SORCS1: variants seen among roughly 807,000 people sequenced by gnomAD.
SORCS1 encodes the protein sortilin related VPS10 domain containing receptor 1.
In SORCS1, 60 loss-of-function variants were observed where a neutral mutation model predicts 146.1. The ratio of observed to expected loss-of-function variants is 0.41; its 90% CI spans 0.33 to 0.51. The LOEUF is 0.51. SORCS1 is among the 20% of genes least tolerant of loss of function. The probability of loss-of-function intolerance (pLI) is 0.21; values close to 1 mark genes in which losing one functional copy is unlikely to be tolerated. For missense variants in SORCS1, 1,352 were observed against 1,487.6 expected (o/e 0.91, Z 1.50); for synonymous variants, 637 against 584.0 (o/e 1.09, Z -1.31).
rs1564736976 is a variant in SORCS1 at position 106,577,408 on chromosome 10, TG to T, written c.*11del. 6.2e-7 allele frequency: 1 copy of T among 1,613,834 alleles called. No homozygotes were observed. Among genetic ancestry groups the T allele is most frequent in the Non-Finnish European group, 8.5e-7 (1 of 1,179,768 alleles). The stretch of plus-strand genomic sequence containing the variant: ...TGATCAGCAGGTCGCCTGTAGCCTT[TG>T]GGGGTTTTCCTTAAATTGCATACTG... On this transcript the variant is annotated 3_prime_UTR_variant, in exon 26 of 26. Transcript: ENST00000263054.
At chr10:107,117,704 G>T (rs2134509756) in intron 1 of SORCS1, among the ~76,000 whole-genome samples, 1 of 152,220 alleles carries the variant, frequency 6.6e-6, no homozygotes, top group South Asian at 2.1e-4. Flanking sequence ...CTTGGCCTCT[G>T]TTACTCCCTT....
intron 1 of SORCS1, among the ~76,000 whole-genome samples, chr10:107,063,375 A>G (rs11818182): frequency 0.036 from 5,423 of 152,298 alleles, 304 homozygotes; most frequent in African/African-American, 0.12. Context: ...TACTATTTCT[A>G]TGAGAGGAGA....
chr10:107,034,214 G>A (rs776343069), intron 1 of SORCS1, among the ~76,000 whole-genome samples: 3 of 152,100 alleles, frequency 2.0e-5, no homozygotes, highest in Non-Finnish European at 4.4e-5. Flanking sequence ...CACAAATGGT[G>A]GGGAGGGGTA....
intron 23 of SORCS1, among the ~76,000 whole-genome samples, chr10:106,603,633 T>C (rs546953661): frequency 6.6e-6 from 1 of 152,164 alleles, no homozygotes; most frequent in East Asian, 1.9e-4. Flanking sequence ...ACTGCACCTT[T>C]ACAAGAAAGG....
At chr10:106,809,094 A>C (rs1044223371) in intron 3 of SORCS1, among the ~76,000 whole-genome samples, 1 of 152,000 alleles carries the variant, frequency 6.6e-6, no homozygotes, top group African/African-American at 2.4e-5. Flanking sequence ...TCTTTGCATG[A>C]TGATTTTCTT....
intron 1 of SORCS1, among the ~76,000 whole-genome samples, chr10:107,157,336 A>C (rs981293186): frequency 2.6e-5 from 4 of 152,064 alleles, no homozygotes; most frequent in Non-Finnish European, 4.4e-5. Flanking sequence ...ACCAAGAATC[A>C]CTCCTACAGT....
At chr10:106,696,687 G>A (rs1308091740) in intron 9 of SORCS1, among the ~76,000 whole-genome samples, 1 of 152,200 alleles carries the variant, frequency 6.6e-6, no homozygotes, top group Non-Finnish European at 1.5e-5. Flanking sequence ...TCCAGAGGTC[G>A]CCTTGTTTCC....
At chr10:106,591,351 C>T (rs1346639157) in intron 24 of SORCS1, among the ~76,000 whole-genome samples, 1 of 151,880 alleles carries the variant, frequency 6.6e-6, no homozygotes, top group East Asian at 1.9e-4. Context: ...TAAAGAACAC[C>T]TGCCATAAGA....
intron 2 of SORCS1, among the ~76,000 whole-genome samples, chr10:106,902,257 A>C (rs1319652037): frequency 6.6e-6 from 1 of 152,148 alleles, no homozygotes; most frequent in Non-Finnish European, 1.5e-5. Flanking sequence ...TTTTTAAAAT[A>C]GTCCCTAACC....
intron 23 of SORCS1, among the ~76,000 whole-genome samples, chr10:106,604,299 G>A (rs985355374): frequency 2.6e-5 from 4 of 152,146 alleles, no homozygotes; most frequent in Admixed American, 2.6e-4. Context: ...ATAAAGTTAA[G>A]TGATTAAGTC....
chr10:106,581,796 A>G (rs1844935044), intron 24 of SORCS1, among the ~76,000 whole-genome samples: 1 of 152,240 alleles, frequency 6.6e-6, no homozygotes, highest in Non-Finnish European at 1.5e-5. Context: ...TCTCATCATT[A>G]CCACAATACC....
rs377182812 is a variant in SORCS1, at chr10:106,703,031, T to C, written c.1233+3514A>G. 3.9e-5 allele frequency among the ~76,000 whole-genome samples: 6 copies of C among 152,300 alleles called. No individual in the cohort carries two copies. In the East Asian group the frequency reaches 1.2e-3, roughly 29 times the overall value. ...ACACACCAGTGAGCTACTGTTACTC[T>C]CTAGGCAAGAAACACAGAATGAAGT... On this transcript the variant is annotated intron_variant, in intron 8 of 25. Transcript: ENST00000263054.
chr10:106,675,043 A>G lies in SORCS1; in HGVS notation c.1940+6T>C. The G allele has an allele frequency of 6.2e-7, 1 of 1,607,084 alleles. No homozygotes were observed. The highest frequency in any genetic ancestry group is 8.5e-7 in the Non-Finnish European group (1 of 1,174,030). On this transcript the variant is annotated splice_donor_region_variant and intron_variant, in intron 14 of 25. Transcript: ENST00000263054. ...AGGCTGGACCACATCATACTTTTCA[A>G]CTTACGTCATGATGAGAGTCTCTTC...
intron 2 of SORCS1, among the ~76,000 whole-genome samples, chr10:106,931,119 G>T (rs148884285): frequency 6.6e-6 from 1 of 152,240 alleles, no homozygotes; most frequent in African/African-American, 2.4e-5. Flanking sequence ...CTAATTTTAA[G>T]AAGACTCATA....
At chr10:107,112,262 T>C (rs1023759875) in intron 1 of SORCS1, among the ~76,000 whole-genome samples, 1 of 152,110 alleles carries the variant, frequency 6.6e-6, no homozygotes, top group Non-Finnish European at 1.5e-5. Flanking sequence ...AATGGGGCAG[T>C]ACAAACATAG....
intron 24 of SORCS1, among the ~76,000 whole-genome samples, chr10:106,586,617 G>A (rs573644970): frequency 2.6e-5 from 4 of 151,902 alleles, no homozygotes; most frequent in Admixed American, 6.6e-5. Context: ...CCCCTTTTAC[G>A]GTCCCCCGTA....
intron 1 of SORCS1, among the ~76,000 whole-genome samples, chr10:107,027,023 T>G (rs1297113683): frequency 8.4e-6 from 1 of 119,090 alleles, no homozygotes; most frequent in Non-Finnish European, 1.7e-5. Flanking sequence ...TATATGTGTA[T>G]ATATATATAT....
rs539793699 is a variant in SORCS1, at chr10:106,644,320, C to T, written c.2475+8062G>A. ...CAAAGTTCTCCAATCACTCCGCCTC[C>T]AAAGTTAACAATAATTTTTCCCTTC... is the stretch of plus-strand genomic sequence containing the variant. On this transcript the variant is annotated intron_variant, in intron 18 of 25. Coordinates refer to ENST00000263054, the MANE Select transcript of SORCS1 (RefSeq NM_052918.5). Among the ~76,000 whole-genome samples, 13 of 151,962 alleles carry T rather than the reference C, an allele frequency of 8.6e-5. No individual in the cohort carries two copies. In the South Asian group the frequency reaches 2.5e-3, roughly 29 times the overall value.
chr10:106,798,653 T>C (rs1240362233), intron 3 of SORCS1, among the ~76,000 whole-genome samples: 2 of 152,346 alleles, frequency 1.3e-5, no homozygotes, highest in East Asian at 3.9e-4. Context: ...TTCCATGGTG[T>C]ATATGTGCCA....
Sources: gnomAD v4.1 joint callset for allele counts (sites outside exome capture counted in the v4.1 genomes callset) on GRCh38, gnomAD v4.1.1 for gene constraint, MANE v1.5 for transcripts, NCBI Gene and HGNC (gene_info 2026-07-23, HGNC 2026-07-21) for gene names.